Variants in GAK observed in about 807,000 individuals in gnomAD.
GAK encodes the protein cyclin G associated kinase.
GAK carries 79 observed loss-of-function variants against 143.9 expected under a neutral mutation model. The observed-to-expected ratio is 0.55, with a 90% CI of 0.46 to 0.66. The LOEUF (loss-of-function observed/expected upper bound fraction) is 0.66. Among genes scored for constraint, GAK ranks in the 30% least tolerant of loss-of-function variants. GAK has a pLI of 0.00. For missense variants in GAK, 1,693 were observed against 1,779.7 expected (o/e 0.95, Z 0.88); for synonymous variants, 881 against 765.5 (o/e 1.15, Z -2.49).
chr4:899,452 G>A (rs920137220), intron 5 of GAK, among the ~76,000 whole-genome samples: 1 of 152,192 alleles, frequency 6.6e-6, no homozygotes, highest in Non-Finnish European at 1.5e-5. Context: ...CTCCGAGAGG[G>A]CAGCACACCA....
chr4:931,798 C>A (rs1434187664), intron 1 of GAK, among the ~76,000 whole-genome samples: 1 of 152,152 alleles, frequency 6.6e-6, no homozygotes, highest in Non-Finnish European at 1.5e-5. Context: ...TACCCCGACC[C>A]GGTCCCAGCC....
At chr4:897,191 C>T (rs769740131) in intron 6 of GAK, among the ~76,000 whole-genome samples, 1 of 152,218 alleles carries the variant, frequency 6.6e-6, no homozygotes, top group Non-Finnish European at 1.5e-5. Context: ...AAACCCCATC[C>T]TCAGCTGCAG....
At chr4:909,205 A>G (rs1442630808) in intron 4 of GAK, among the ~76,000 whole-genome samples, 1 of 152,272 alleles carries the variant, frequency 6.6e-6, no homozygotes, top group Admixed American at 6.5e-5. Flanking sequence ...ATGAAAACTG[A>G]CAAGTAACAC....
intron 24 of GAK, among the ~76,000 whole-genome samples, chr4:855,583 T>C (rs928909680): frequency 1.3e-5 from 2 of 152,246 alleles, no homozygotes; most frequent in African/African-American, 4.8e-5. Flanking sequence ...TCTCCTTTTC[T>C]TGCCAAATGG....
intron 25 of GAK, 66 bp from the exon 26 acceptor site, chr4:851,150 T>C: frequency 2.1e-6 from 3 of 1,396,364 alleles, no homozygotes; most frequent in East Asian, 2.3e-5. Flanking sequence ...CAGGCCAGAG[T>C]GCAATGGCGT....
At position 911,890 on chromosome 4, in the gene GAK, T is replaced by C. The variant is rs952193981; in HGVS notation, c.268-103A>G. 8 of 881,462 alleles carry C rather than the reference T, an allele frequency of 9.1e-6. No homozygotes were observed. In the Admixed American group the frequency reaches 1.6e-4, roughly 17 times the overall value. The allele number at this position is 881,462 out of a possible 1,614,324, so 54.6% of individuals were successfully genotyped here. On this transcript the variant is annotated intron_variant, in intron 3 of 27. Transcript: ENST00000314167. ...ATTAACACACTGAAGTCAGAATACT[T>C]GAATCGAACCCTTACAATTTTAGAC... is the stretch of plus-strand genomic sequence containing the variant.
At chr4:913,872 CG>C in intron 1 of GAK, 2 of 472,706 alleles carry the variant, frequency 4.2e-6, no homozygotes, top group South Asian at 4.0e-5. Context: ...CCAGCGTGCA[CG>C]GCCCCCCCAC....
intron 5 of GAK, among the ~76,000 whole-genome samples, chr4:898,820 G>A (rs755670903): frequency 1.3e-5 from 2 of 151,954 alleles, no homozygotes; most frequent in Admixed American, 6.5e-5. Flanking sequence ...CCGAGATTGC[G>A]CCGCTGCACT....
intron 1 of GAK, among the ~76,000 whole-genome samples, chr4:926,487 T>C (rs1724765664): frequency 6.6e-6 from 1 of 152,188 alleles, no homozygotes; most frequent in African/African-American, 2.4e-5. Context: ...TCTGCAAACG[T>C]CACTTTTCTC....
intron 19 of GAK, 47 bp downstream of exon 19, chr4:870,664 G>C (rs767545544): frequency 1.3e-6 from 2 of 1,585,124 alleles, no homozygotes; most frequent in East Asian, 2.2e-5. Flanking sequence ...TCTCCACAGA[G>C]ACACTCACCA....
chr4:863,637 A>G (rs1442987584), intron 23 of GAK, among the ~76,000 whole-genome samples: 1 of 152,248 alleles, frequency 6.6e-6, no homozygotes, highest in Non-Finnish European at 1.5e-5. Context: ...GACCCCCACC[A>G]GCAAGATCAG....
intron 5 of GAK, among the ~76,000 whole-genome samples, chr4:899,486 A>G (rs944485825): frequency 2.6e-5 from 4 of 152,212 alleles, no homozygotes; most frequent in Admixed American, 6.5e-5. Flanking sequence ...GGTGCTCGGC[A>G]TGCACGCGGT....
At position 884,032 on chromosome 4, in the gene GAK, C is replaced by T. The variant is rs1410025342; in HGVS notation, c.1255+5G>A. 6.2e-7 allele frequency: 1 copy of T among 1,613,510 alleles called. No homozygotes were observed. Among genetic ancestry groups the T allele is most frequent in the South Asian group, 1.1e-5 (1 of 91,076 alleles). ...GCGTCCCACAGCCTCATGTGGCACG[C>T]ATACCTGCAATTCTGGATGTGATGT... On this transcript the variant is annotated splice_donor_5th_base_variant and intron_variant, in intron 12 of 27. Coordinates refer to ENST00000314167, the MANE Select transcript of GAK (RefSeq NM_005255.4).
At chr4:907,436 G>A (rs981527126) in intron 4 of GAK, among the ~76,000 whole-genome samples, 3 of 152,248 alleles carry the variant, frequency 2.0e-5, no homozygotes, top group African/African-American at 4.8e-5. Flanking sequence ...GAACAGACCC[G>A]GGAGAGGCTG....
intron 23 of GAK, among the ~76,000 whole-genome samples, chr4:862,648 ACT>A (rs1750505568): frequency 6.9e-6 from 1 of 145,708 alleles, no homozygotes; most frequent in East Asian, 2.0e-4. Flanking sequence ...ACAAAGAGAG[ACT>A]CTGTCTCAAA....
intron 8 of GAK, 28 bp from the exon 9 acceptor site, chr4:893,517 C>A: frequency 6.8e-7 from 1 of 1,477,002 alleles, no homozygotes; most frequent in South Asian, 1.3e-5. Flanking sequence ...CGCGCTCGGC[C>A]CCACGGTTCC....
chr4:855,603 G>A (rs73062393), intron 24 of GAK, among the ~76,000 whole-genome samples: 115 of 152,280 alleles, frequency 7.6e-4, no homozygotes, highest in African/African-American at 2.7e-3. Context: ...GCAGCAGCTG[G>A]GACTTCCGAC....
chr4:888,614 C>T (rs1172098005), intron 11 of GAK: 3 of 542,348 alleles, frequency 5.5e-6, no homozygotes, highest in Non-Finnish European at 9.7e-6. Context: ...CCAGGCATCT[C>T]CTCAGCAGGG....
In GAK at chr4:866,374, G is replaced by A. The variant is rs961698835; in HGVS notation, c.3033C>T (p.Phe1011=). The change falls in exon 22 of 28, where the codon TTC becomes TTT. Residue 1011 remains phenylalanine, a synonymous_variant. Transcript: ENST00000314167. ...GCGAGAGGCACTTACCCAGGTGCAG[G>A]AAGTCGGCGCTGCAGGATGGGGGCG... ...SAPPPSCSAD[F]LHLGDLPGEP... is the part of the protein sequence containing the mutation. 13 of 1,613,894 alleles carry A rather than the reference G, an allele frequency of 8.1e-6. No homozygotes were observed. The highest frequency in any genetic ancestry group is 1.1e-5 in the Non-Finnish European group (13 of 1,179,984).
Sources: allele counts gnomAD v4.1 joint callset (sites outside exome capture counted in the v4.1 genomes callset), GRCh38; gene constraint gnomAD v4.1.1; transcripts MANE v1.5; gene names NCBI Gene and HGNC (gene_info 2026-07-23, HGNC 2026-07-21).